The following KIF26A variants were observed in gnomAD, a reference collection of about 807,000 sequenced individuals.
KIF26A encodes the protein kinesin-like protein KIF26A.
A neutral mutation model predicts 126.0 loss-of-function variants in KIF26A; 74 were observed. The ratio of observed to expected loss-of-function variants is 0.59; its 90% CI spans 0.49 to 0.71. KIF26A has a LOEUF of 0.71. Ranked by LOEUF, KIF26A falls within the 30% of genes least tolerant of loss-of-function variation. The pLI is 0.00. For synonymous variants in KIF26A, 1,445 were observed against 1,232.7 expected (o/e 1.17, Z -3.61); for missense variants, 2,984 against 2,763.3 (o/e 1.08, Z -1.79).
In KIF26A at chr14:104,175,936, C is replaced by T. The variant is rs756230498; in HGVS notation, c.3148C>T (p.Arg1050Trp). The change falls in exon 12 of 15, where the codon CGG becomes TGG. Residue 1050 changes from arginine (R) to tryptophan (W), a missense_variant. Physicochemically the swap from Arg to Trp is moderately radical, Grantham distance 101 (BLOSUM62 -3). Coordinates refer to ENST00000423312, the MANE Select transcript of KIF26A (RefSeq NM_015656.2). ...CCTGGGGGCGCTTGCCGGAGCTGGG[C>T]GGCCCACCAGCCTGGCTAGCTTCGA... ...LSLGALAGAG[R>W]PTSLASFDSD... 7.7e-6 allele frequency: 12 copies of T among 1,557,260 alleles called. No homozygotes were observed. Among genetic ancestry groups the T allele is most frequent in the African/African-American group, 2.7e-5 (2 of 73,862 alleles).
chr14:104,168,657 C>T (rs933017586), intron 5 of KIF26A, among the ~76,000 whole-genome samples: 4 of 152,206 alleles, frequency 2.6e-5, no homozygotes, highest in Non-Finnish European at 5.9e-5. Context: ...CCACCAGTTG[C>T]CAGGGTTTGA....
chr14:104,177,924 T>G (rs763032305), intron 12 of KIF26A, 26 bp downstream of exon 12: 12 of 1,479,196 alleles, frequency 8.1e-6, no homozygotes, highest in Non-Finnish European at 1.1e-5. Flanking sequence ...CACAGCCCTC[T>G]ACAGTTTACG....
At position 104,173,116 on chromosome 14, in the gene KIF26A, C is replaced by T. The variant is rs754868638; in HGVS notation, c.1560C>T (p.Ala520=). The part of the protein sequence containing the change: ...TGTRFSVRVS[A]VEVCGRDQSL... ...CCCGCTTCTCCGTCCGGGTCTCAGC[C>T]GTGGAGGTGTGCGGGCGCGACCAGA... Residue 520 remains alanine (A), a synonymous_variant, in exon 8 of 15, where the codon GCC becomes GCT. Coordinates refer to ENST00000423312, the MANE Select transcript of KIF26A (RefSeq NM_015656.2). The T allele has an allele frequency of 2.8e-5, 45 of 1,607,616 alleles. No homozygotes were observed. The highest frequency in any genetic ancestry group is 1.1e-4 in the African/African-American group (8 of 74,836).
intron 2 of KIF26A, among the ~76,000 whole-genome samples, chr14:104,139,553 C>T (rs901882671): frequency 1.3e-5 from 2 of 152,182 alleles, no homozygotes; most frequent in African/African-American, 4.8e-5. Flanking sequence ...AGATGTCCCA[C>T]AGCTGGAACG....
At chr14:104,164,328 A>G (rs1404129765) in intron 4 of KIF26A, among the ~76,000 whole-genome samples, 2 of 151,772 alleles carry the variant, frequency 1.3e-5, no homozygotes, top group East Asian at 3.9e-4. Context: ...AGCGTTCACC[A>G]CACCCTTCGC....
rs540449208 is a variant in KIF26A, at chr14:104,176,404, A to G, written c.3616A>G (p.Ile1206Val). The G allele has an allele frequency of 1.9e-6, 3 of 1,591,810 alleles. No individual in the cohort carries two copies. Among genetic ancestry groups the G allele is most frequent in the South Asian group, 1.1e-5 (1 of 89,488 alleles). Residue 1206 changes from isoleucine (I) to valine (V), a missense_variant, in exon 12 of 15, where the codon ATC (isoleucine) becomes GTC (valine). Transcript: ENST00000423312. ...PSRWASAAQTIHSSLPRKPRT... is the reference protein window; with the variant it reads ...PSRWASAAQTVHSSLPRKPRT... Reference sequence around the variant, plus strand: ...GCGGTGGGCATCCGCAGCCCAGACCATCCACTCCAGCCTCCCCCGGAAACC... The same window carrying G: ...GCGGTGGGCATCCGCAGCCCAGACCGTCCACTCCAGCCTCCCCCGGAAACC...
intron 8 of KIF26A, 23 bp downstream of exon 8, chr14:104,173,262 C>T: frequency 6.2e-7 from 1 of 1,602,650 alleles, no homozygotes; most frequent in Non-Finnish European, 8.5e-7. Context: ...ACTGTCCCAC[C>T]TTGGGGGAGG....
At chr14:104,168,098 T>C (rs1242540349) in intron 5 of KIF26A, among the ~76,000 whole-genome samples, 2 of 152,218 alleles carry the variant, frequency 1.3e-5, no homozygotes, top group Non-Finnish European at 2.9e-5. Context: ...CTCGCAGTCC[T>C]GGTGAGAGCC....
chr14:104,139,839 G>A (rs2037620658), intron 2 of KIF26A, among the ~76,000 whole-genome samples: 1 of 152,218 alleles, frequency 6.6e-6, no homozygotes, highest in Admixed American at 6.5e-5. Context: ...ATAGACTGAG[G>A]CAGTGGCCGC....
rs2037822270 is a variant in KIF26A, at chr14:104,160,378, C to T, written c.923+2436C>T. Among the ~76,000 whole-genome samples, 3 of 152,312 alleles carry T rather than the reference C, an allele frequency of 2.0e-5. No individual in the cohort carries two copies. In the South Asian group the frequency reaches 6.2e-4, roughly 32 times the overall value. On this transcript the variant is annotated intron_variant, in intron 4 of 14. Coordinates refer to ENST00000423312, the MANE Select transcript of KIF26A (RefSeq NM_015656.2). ...GCTGCCCCCTGATCCTTTCAGTGGC[C>T]TCTGGGCTCCTTATGTCCACACAGG...
In KIF26A at chr14:104,177,318, T is replaced by G. The variant is rs760497452; in HGVS notation, c.4530T>G (p.Ala1510=). The change falls in exon 12 of 15, where the codon GCT becomes GCG. Residue 1510 remains alanine, a synonymous_variant. Transcript: ENST00000423312. ...GCCTAGTGGCTGGTGGGTCGCGGGCTCTGGGGCCTTCGGTGAAGCTGTCTA... is the reference window on the plus strand; with the variant it reads ...GCCTAGTGGCTGGTGGGTCGCGGGCGCTGGGGCCTTCGGTGAAGCTGTCTA... ...GRGLVAGGSR[A]LGPSVKLSTA... is the part of the protein sequence containing the mutation. 6.5e-7 allele frequency: 1 copy of G among 1,532,240 alleles called. No homozygotes were observed. Among genetic ancestry groups the G allele is most frequent in the Admixed American group, 2.0e-5 (1 of 49,130 alleles). The allele number at this position is 1,532,240 out of a possible 1,614,324, so 94.9% of individuals were successfully genotyped here.
intron 3 of KIF26A, among the ~76,000 whole-genome samples, chr14:104,157,546 G>A (rs765399423): frequency 2.3e-4 from 35 of 152,248 alleles, no homozygotes; most frequent in African/African-American, 5.5e-4. Context: ...GTGACCTCAC[G>A]GCCCAGGCAG....
chr14:104,165,557 C>T (rs1025398959), intron 4 of KIF26A, among the ~76,000 whole-genome samples: 1 of 134,918 alleles, frequency 7.4e-6, no homozygotes, highest in Non-Finnish European at 1.6e-5. Flanking sequence ...GTGTGTGTGT[C>T]TGTGTGTTTC....
chr14:104,160,562 G>A (rs1473654934), intron 4 of KIF26A, among the ~76,000 whole-genome samples: 3 of 152,238 alleles, frequency 2.0e-5, no homozygotes, highest in East Asian at 1.9e-4. Context: ...CTGTGACAGA[G>A]CTTGGCATGC....
rs749811229 is a variant in KIF26A, at chr14:104,166,973, G to A, written c.1038G>A (p.Leu346=). ...CCGACTTCAGCGGGGTCCTGCAGCTGTGGCCGCCCCCGGCGCCCCCCTGCC... is the reference window on the plus strand; with the variant it reads ...CCGACTTCAGCGGGGTCCTGCAGCTATGGCCGCCCCCGGCGCCCCCCTGCC... ...YPTDFSGVLQ[L]WPPPAPPCLL... Residue 346 remains leucine, a synonymous_variant, in exon 5 of 15, where the codon CTG becomes CTA. Transcript: ENST00000423312. 6 of 1,587,310 alleles carry A rather than the reference G, an allele frequency of 3.8e-6. No homozygotes were observed. The East Asian group carries it at 9.2e-5, about 24-fold the overall frequency.
At chr14:104,145,490 C>T (rs1179646395) in intron 2 of KIF26A, among the ~76,000 whole-genome samples, 1 of 152,190 alleles carries the variant, frequency 6.6e-6, no homozygotes, top group Non-Finnish European at 1.5e-5. Flanking sequence ...CCCGCCTGGC[C>T]CGGCGCCAGG....
rs762148386 is a variant in KIF26A at position 104,175,196 on chromosome 14, G to A, written c.2408G>A (p.Arg803Gln). 12 of 1,609,096 alleles carry A rather than the reference G, an allele frequency of 7.5e-6. No individual in the cohort carries two copies. Among genetic ancestry groups the A allele is most frequent in the African/African-American group, 6.7e-5 (5 of 74,870 alleles). ...CCCGGTGGGGCGGCGCTGTCAGACC[G>A]GGAGCTCACCGACAACGAAGGTCCG... ...VGPGGAALSD[R>Q]ELTDNEGPPD... Residue 803 changes from arginine to glutamine, a missense_variant, in exon 12 of 15, where the codon CGG becomes CAG. Transcript: ENST00000423312.
Position 104,175,253 on chromosome 14 carries a change from G to A in KIF26A, c.2465G>A (p.Ser822Asn). The change falls in exon 12 of 15, where the codon AGC becomes AAC. Residue 822 changes from serine to asparagine, a missense_variant. Ser to Asn is a conservative substitution (Grantham distance 46). Transcript: ENST00000423312. Reference protein sequence around the residue: ...PDFVPIIPALSRHRPSKGPRD... With the variant: ...PDFVPIIPALNRHRPSKGPRD... The stretch of plus-strand genomic sequence containing the variant: ...TTCGTGCCCATCATCCCTGCCCTGA[G>A]CCGCCACCGGCCCTCCAAGGGTCCC... 4 of 1,607,388 alleles carry A rather than the reference G, an allele frequency of 2.5e-6. No homozygotes were observed. Among genetic ancestry groups the A allele is most frequent in the Non-Finnish European group, 3.4e-6 (4 of 1,179,596 alleles).
chr14:104,155,057 G>A (rs941910587), intron 3 of KIF26A, among the ~76,000 whole-genome samples: 6 of 152,204 alleles, frequency 3.9e-5, no homozygotes, highest in Non-Finnish European at 2.9e-5. Flanking sequence ...GTGGGTGGGC[G>A]AGTCCGCCCC....
Sources: allele counts gnomAD v4.1 joint callset (sites outside exome capture counted in the v4.1 genomes callset), GRCh38; gene constraint gnomAD v4.1.1; transcripts MANE v1.5; gene names NCBI Gene and HGNC (gene_info 2026-07-23, HGNC 2026-07-21).